Variants in IPO7 observed in about 807,000 individuals in gnomAD.
The protein encoded by IPO7 is importin-7.
IPO7 carries 13 observed loss-of-function variants against 136.4 expected under a neutral mutation model. The ratio of observed to expected loss-of-function variants is 0.10; its 90% confidence interval spans 0.06 to 0.15. IPO7 has a LOEUF of 0.15. IPO7 is among the 10% of genes least tolerant of loss of function. IPO7 has a pLI of 1.00. For missense variants in IPO7, 857 were observed against 1,240.6 expected (o/e 0.69, Z 4.65); for synonymous variants, 403 against 404.4 (o/e 1.00, Z 0.04).
chr11:9,443,023 C>CA (rs1565006150), intron 24 of IPO7, among the ~76,000 whole-genome samples: 1 of 151,310 alleles, frequency 6.6e-6, no homozygotes, highest in African/African-American at 2.4e-5. Context: ...ACTCCATCTC[C>CA]AAAAAAACAG....
At chr11:9,416,345 C>A (rs1855042200) in intron 5 of IPO7, among the ~76,000 whole-genome samples, 1 of 152,140 alleles carries the variant, frequency 6.6e-6, no homozygotes, top group African/African-American at 2.4e-5. Flanking sequence ...TTAGGTTATT[C>A]TTTTGTTAAG....
intron 1 of IPO7, chr11:9,392,050 G>A (rs1281505406): frequency 1.0e-5 from 2 of 196,948 alleles, no homozygotes; most frequent in Non-Finnish European, 1.1e-5. Flanking sequence ...TTTAACAAAG[G>A]CAGAGGGACG....
At chr11:9,417,005 G>A (rs1855051001) in intron 5 of IPO7, 54 bp from the exon 6 acceptor site, 1 of 843,298 alleles carries the variant, frequency 1.2e-6, no homozygotes, top group Non-Finnish European at 2.0e-6. Flanking sequence ...GTAAAAAGAA[G>A]TAGGATTTTC....
rs765273751 is a variant in IPO7, at chr11:9,433,646, C to T, written c.1948+10C>T. The stretch of plus-strand genomic sequence containing the variant: ...CAACAGCATGTCTTAGGTATTATAC[C>T]TCTGATTGTGCTAAGAATTTAGTGC... On this transcript the variant is annotated intron_variant, in intron 17 of 24. Transcript: ENST00000379719. The T allele has an allele frequency of 6.8e-6, 11 of 1,612,528 alleles. No homozygotes were observed. In the African/African-American group the frequency reaches 1.1e-4, roughly 16 times the overall value.
In IPO7 at chr11:9,425,618, G is replaced by C. The variant is rs531540430; in HGVS notation, c.1335+356G>C. On this transcript the variant is annotated intron_variant, in intron 12 of 24. Coordinates refer to ENST00000379719, the MANE Select transcript of IPO7 (RefSeq NM_006391.3). ...CCGCCGGGCGTGATGGCTCACGCCT[G>C]TAATCCCAGCATTTTGGGAGACCGA... Among the ~76,000 whole-genome samples, 39 of 152,168 alleles carry C rather than the reference G, an allele frequency of 2.6e-4. No homozygotes were observed. In the East Asian group the frequency reaches 5.2e-3, roughly 20 times the overall value.
chr11:9,421,756 A>G (rs998360484), intron 8 of IPO7, among the ~76,000 whole-genome samples: 12 of 149,768 alleles, frequency 8.0e-5, no homozygotes, highest in African/African-American at 3.0e-4. Flanking sequence ...CATCCTGGCT[A>G]ACACAGTGAA....
intron 5 of IPO7, 37 bp from the exon 6 acceptor site, chr11:9,417,022 A>G: frequency 1.0e-6 from 1 of 960,236 alleles, no homozygotes; most frequent in Non-Finnish European, 1.7e-6. Context: ...TTTCTTTAGC[A>G]AGGATTTCGA....
intron 5 of IPO7, among the ~76,000 whole-genome samples, chr11:9,415,185 G>A (rs1855023662): frequency 6.6e-6 from 1 of 151,836 alleles, no homozygotes; most frequent in Non-Finnish European, 1.5e-5. Flanking sequence ...AGTCAGGCTT[G>A]GTGGTACATA....
chr11:9,435,794 T>C (rs1341521111), intron 19 of IPO7, among the ~76,000 whole-genome samples: 1 of 152,214 alleles, frequency 6.6e-6, no homozygotes, highest in Non-Finnish European at 1.5e-5. Context: ...ACATTTGCCC[T>C]CAACAGGCTG....
intron 12 of IPO7, among the ~76,000 whole-genome samples, chr11:9,426,132 A>G (rs1287467161): frequency 6.6e-6 from 1 of 152,214 alleles, no homozygotes; most frequent in East Asian, 1.9e-4. Context: ...TTGTATAACT[A>G]TCACCCCCAG....
chr11:9,408,486 G>T lies in IPO7; in HGVS notation c.167G>T (p.Gly56Val). 1 of 1,545,958 alleles carries T rather than the reference G, an allele frequency of 6.5e-7. No homozygotes were observed. The highest frequency in any genetic ancestry group is 8.7e-7 in the Non-Finnish European group (1 of 1,148,626). The change falls in exon 3 of 25, where the codon GGT becomes GTT. Residue 56 changes from glycine to valine, a missense_variant and splice_region_variant. This residue lies in a region of IPO7 where 3 missense variants were observed against 17.4 expected (regional missense o/e 0.17). Coordinates refer to ENST00000379719, the MANE Select transcript of IPO7 (RefSeq NM_006391.3). Reference sequence around the variant, plus strand: ...TTTGTCAAACTGATCTGTATTTTAGGTGTTATCTATCTGAAAAATATGATA... The same window carrying T: ...TTTGTCAAACTGATCTGTATTTTAGTTGTTATCTATCTGAAAAATATGATA... ...EQLDLPVRQA[G>V]VIYLKNMITQ...
intron 1 of IPO7, among the ~76,000 whole-genome samples, chr11:9,400,262 AT>A (rs1854773963): frequency 6.6e-6 from 1 of 152,178 alleles, no homozygotes; most frequent in Non-Finnish European, 1.5e-5. Context: ...ACCCACAGAT[AT>A]GGGGGCACCG....
chr11:9,401,736 T>C (rs746424729), intron 1 of IPO7, among the ~76,000 whole-genome samples: 36 of 152,330 alleles, frequency 2.4e-4, no homozygotes, highest in East Asian at 7.7e-4. Context: ...TATGATTATA[T>C]AGTCTATTGT....
chr11:9,412,450 G>A (rs1308709190), intron 4 of IPO7, among the ~76,000 whole-genome samples: 2 of 152,118 alleles, frequency 1.3e-5, no homozygotes, highest in African/African-American at 4.8e-5. Flanking sequence ...ATAAGCTGTG[G>A]CTCTTAGAAT....
intron 20 of IPO7, among the ~76,000 whole-genome samples, chr11:9,437,475 T>C (rs917365113): frequency 3.3e-5 from 5 of 151,498 alleles, no homozygotes; most frequent in African/African-American, 9.7e-5. Context: ...AGGATGGTCT[T>C]GATCTCCTGA....
At chr11:9,431,277 C>T (rs899995022) in intron 16 of IPO7, among the ~76,000 whole-genome samples, 3 of 151,966 alleles carry the variant, frequency 2.0e-5, no homozygotes, top group African/African-American at 7.2e-5. Context: ...AAATATTTTT[C>T]TTAGTTTTCT....
chr11:9,410,061 C>T lies in IPO7; in HGVS notation c.454C>T (p.Leu152Phe). 2 of 1,594,086 alleles carry T rather than the reference C, an allele frequency of 1.3e-6. No homozygotes were observed. The highest frequency in any genetic ancestry group is 2.3e-5 in the South Asian group (2 of 87,146). The change falls in exon 4 of 25, where the codon CTT becomes TTT. Residue 152 changes from leucine (L) to phenylalanine (F), a missense_variant. Physicochemically the swap from Leu to Phe is conservative, Grantham distance 22 (BLOSUM62 0). This residue lies in a region of IPO7 where 287 missense variants were observed against 307.5 expected (regional missense o/e 0.93). Transcript: ENST00000379719. ...SACWLGILLC[L>F]YQLVKNYEYK... ...TTGTTGGCTAGGAATTCTTCTTTGCCTTTATCAGCTTGTGAAAAATTATGA... is the reference window on the plus strand; with the variant it reads ...TTGTTGGCTAGGAATTCTTCTTTGCTTTTATCAGCTTGTGAAAAATTATGA...
Position 9,429,064 on chromosome 11 carries a change from A to C in IPO7, c.1459A>C (p.Lys487Gln), listed in dbSNP as rs199950952. The part of the protein sequence containing the change: ...CWVLHYFCEV[K>Q]FKSDQNLQTA... ...GGTACTTCACTATTTTTGTGAAGTG[A>C]AGTTCAAAAGTGATCAGAACCTTCA... is the stretch of plus-strand genomic sequence containing the variant. Residue 487 changes from lysine to glutamine, a missense_variant, in exon 14 of 25, where the codon AAG (lysine) becomes CAG (glutamine). Physicochemically the swap from Lys to Gln is moderately conservative, Grantham distance 53 (BLOSUM62 1). Around this residue, in one of 11 missense-constraint regions of IPO7, gnomAD observed 127 missense variants for 222.4 expected, o/e 0.57. Transcript: ENST00000379719. The C allele has an allele frequency of 9.2e-5, 148 of 1,613,936 alleles. No individual in the cohort carries two copies. The Admixed American group carries it at 2.4e-3, about 26-fold the overall frequency.
At chr11:9,397,341 A>AAAAAAAAAAAAT in intron 1 of IPO7, among the ~76,000 whole-genome samples, 4 of 10,760 alleles carry the variant, frequency 3.7e-4, no homozygotes, top group Non-Finnish European at 7.3e-4. Flanking sequence ...TTTAAAAAAA[A>AAAAAAAAAAAAT]ATATATATAT....
Sources: allele counts gnomAD v4.1 joint callset (sites outside exome capture counted in the v4.1 genomes callset), GRCh38; gene constraint gnomAD v4.1.1; regional missense constraint gnomAD v4.1.1; transcripts MANE v1.5; gene names NCBI Gene and HGNC (gene_info 2026-07-23, HGNC 2026-07-21).